GINS4: variants seen among roughly 807,000 people sequenced by gnomAD.
The protein encoded by GINS4 is DNA replication complex GINS protein SLD5.
GINS4 carries 20 observed loss-of-function variants against 31.1 expected under a neutral mutation model. That is an observed-to-expected ratio of 0.64 (90% CI 0.45 to 0.93). The LOEUF (loss-of-function observed/expected upper bound fraction) is 0.93. Among genes scored for constraint, GINS4 ranks in the 40% least tolerant of loss-of-function variants. The pLI is 0.00. For synonymous variants in GINS4, 85 were observed against 97.9 expected (o/e 0.87, Z 0.78); for missense variants, 245 against 273.9 (o/e 0.89, Z 0.75).
chr8:41,532,111 T>A (rs1435958256), intron 2 of GINS4, among the ~76,000 whole-genome samples: 1 of 152,216 alleles, frequency 6.6e-6, no homozygotes, highest in Non-Finnish European at 1.5e-5. Context: ...AGCCTGTTTG[T>A]ACTTCTGGAT....
rs1563428663 is a variant in GINS4, at chr8:41,530,241, T to TG, written c.44dup (p.Ser16Ter). 1 of 1,613,964 alleles carries TG rather than the reference T, an allele frequency of 6.2e-7. No individual in the cohort carries two copies. Among genetic ancestry groups the TG allele is most frequent in the Non-Finnish European group, 8.5e-7 (1 of 1,179,876 alleles). On this transcript the variant is annotated frameshift_variant, in exon 2 of 8. Coordinates refer to ENST00000276533, the MANE Select transcript of GINS4 (RefSeq NM_032336.3). LOFTEE classifies it high-confidence loss of function. ...TGGATTTCCTGGGACAGGACTCTGA[T>TG]GGGGGTAGTGAGGAAGTGGTCCTAA...
At chr8:41,540,047 G>C in intron 6 of GINS4, 43 bp downstream of exon 6, 1 of 1,302,708 alleles carries the variant, frequency 7.7e-7, no homozygotes, top group South Asian at 1.2e-5. Flanking sequence ...CCCATCCTCA[G>C]GTGTCCCAGG....
chr8:41,540,285 C>A, intron 6 of GINS4: 1 of 473,434 alleles, frequency 2.1e-6, no homozygotes, highest in Non-Finnish European at 3.9e-6. Context: ...CAGTAGCCAT[C>A]TGCTGAGCCT....
intron 2 of GINS4, among the ~76,000 whole-genome samples, chr8:41,533,908 C>G (rs941306243): frequency 8.5e-5 from 13 of 152,106 alleles, no homozygotes; most frequent in Admixed American, 6.6e-5. Flanking sequence ...TCGTGTGTGT[C>G]TGTGTTAAAA....
Position 41,543,148 on chromosome 8 carries a change from T to C in GINS4, c.*1061T>C, listed in dbSNP as rs1041335223. 17 of 152,222 alleles carry C rather than the reference T, an allele frequency of 1.1e-4. No homozygotes were observed. The highest frequency in any genetic ancestry group is 4.1e-4 in the African/African-American group (17 of 41,462). The allele number at this position is 152,222 out of a possible 1,614,324, so 9.4% of individuals were successfully genotyped here. On this transcript the variant is annotated 3_prime_UTR_variant, in exon 8 of 8. Coordinates refer to ENST00000276533, the MANE Select transcript of GINS4 (RefSeq NM_032336.3). Reference sequence around the variant, plus strand: ...TCATTAGACTGTGTAAACTAACATTTTAGAACCTCTAATATTGGACTTAAA... The same window carrying C: ...TCATTAGACTGTGTAAACTAACATTCTAGAACCTCTAATATTGGACTTAAA...
chr8:41,538,686 C>CTTG (rs71230835), intron 4 of GINS4, among the ~76,000 whole-genome samples: 40,297 of 151,762 alleles, frequency 0.27, 5,383 homozygotes, highest in Middle Eastern at 0.37. Context: ...CATCAACCCC[C>CTTG]TTTTTTTATT....
intron 2 of GINS4, among the ~76,000 whole-genome samples, chr8:41,533,547 C>T (rs1412275903): frequency 1.3e-5 from 2 of 152,244 alleles, no homozygotes; most frequent in African/African-American, 4.8e-5. Context: ...ACCTGCACGG[C>T]TGCCACAGCC....
intron 4 of GINS4, 128 bp from the exon 5 acceptor site, chr8:41,539,550 C>G: frequency 2.8e-6 from 2 of 709,486 alleles, no homozygotes; most frequent in South Asian, 3.3e-5. Flanking sequence ...TCTCTCCACC[C>G]ACCCTATCCC....
chr8:41,531,895 G>A (rs138392957), intron 2 of GINS4, among the ~76,000 whole-genome samples: 7 of 152,332 alleles, frequency 4.6e-5, no homozygotes, highest in African/African-American at 1.2e-4. Flanking sequence ...AGGTTCAAGC[G>A]ATTCTCCTGC....
At chr8:41,535,511 A>G (rs574423975) in intron 2 of GINS4, among the ~76,000 whole-genome samples, 1 of 152,250 alleles carries the variant, frequency 6.6e-6, no homozygotes, top group African/African-American at 2.4e-5. Context: ...ACAAATGCCT[A>G]TGACTGTAGC....
Position 41,537,260 on chromosome 8 carries a change from C to A in GINS4, c.264C>A (p.Val88=). Residue 88 remains valine, a synonymous_variant, in exon 4 of 8, where the codon GTC becomes GTA. Transcript: ENST00000276533. ...TGGAGATGGAGAGGATCCGCTACGT[C>A]CTCAGCAGCTACTTGCGGTGTCGCC... The part of the protein sequence containing the change: ...HQMEMERIRY[V]LSSYLRCRLM... 6.2e-7 allele frequency: 1 copy of A among 1,613,732 alleles called. No homozygotes were observed. The highest frequency in any genetic ancestry group is 1.1e-5 in the South Asian group (1 of 91,060).
Position 41,530,317 on chromosome 8 carries a change from ATCCCT to A in GINS4, c.96+21_96+25del. ...GGAGCAGGTAAGCATCCCAGATCGA[ATCCCT>A]TTGCTCCAGTCAGCCTTTTTATTTA... On this transcript the variant is annotated intron_variant, in intron 2 of 7. Transcript: ENST00000276533. 2 of 1,561,036 alleles carry A rather than the reference ATCCCT, an allele frequency of 1.3e-6. No individual in the cohort carries two copies. The highest frequency in any genetic ancestry group is 1.8e-6 in the Non-Finnish European group (2 of 1,135,678).
At chr8:41,534,083 C>A in intron 2 of GINS4, 1 of 171,940 alleles carries the variant, frequency 5.8e-6, no homozygotes, top group Non-Finnish European at 1.3e-5. Context: ...CAGCCCGTAG[C>A]AATAATGAAC....
chr8:41,541,015 G>A (rs1806831612), intron 6 of GINS4, among the ~76,000 whole-genome samples: 1 of 152,100 alleles, frequency 6.6e-6, no homozygotes, highest in Non-Finnish European at 1.5e-5. Flanking sequence ...ACTAATCCTA[G>A]TCTCTGTGTG....
chr8:41,539,319 C>CAAAAAAAA (rs36097557), intron 4 of GINS4, among the ~76,000 whole-genome samples: 1 of 55,762 alleles, frequency 1.8e-5, no homozygotes, highest in East Asian at 6.6e-4. Flanking sequence ...GACTCCATCT[C>CAAAAAAAA]AAAAAAAAAA....
chr8:41,542,316 G>A lies in GINS4; in HGVS notation c.*229G>A. On this transcript the variant is annotated 3_prime_UTR_variant, in exon 8 of 8. Coordinates refer to ENST00000276533, the MANE Select transcript of GINS4 (RefSeq NM_032336.3). ...GGAGAATCGCTTGAACCTGGGAGCA[G>A]GAGGTTGCAGTGAGCCGAGGTCGTG... 1.8e-6 allele frequency: 1 copy of A among 541,962 alleles called. No homozygotes were observed. The highest frequency in any genetic ancestry group is 1.9e-5 in the African/African-American group (1 of 52,732). 33.6% of individuals were successfully genotyped at this position (541,962 alleles called of 1,614,324 possible).
rs377034608 is a variant in GINS4, at chr8:41,541,834, C to G, written c.510C>G (p.Tyr170Ter). ...RAVPKPDLDS[Y>*]VFLRVRERQE... The stretch of plus-strand genomic sequence containing the variant: ...TTCCCAAACCAGATCTAGATTCTTA[C>G]GTGTTTCTGAGAGTGAGAGAACGAC... The change falls in exon 7 of 8, where the codon TAC becomes TAG. Residue 170 changes from tyrosine (Y) to a stop codon, truncating the protein, a stop_gained. Coordinates refer to ENST00000276533, the MANE Select transcript of GINS4 (RefSeq NM_032336.3). LOFTEE classifies it high-confidence loss of function. 2 of 1,614,058 alleles carry G rather than the reference C, an allele frequency of 1.2e-6. No individual in the cohort carries two copies. The highest frequency in any genetic ancestry group is 1.1e-5 in the South Asian group (1 of 91,082).
chr8:41,535,517 G>A (rs1034277300), intron 2 of GINS4, among the ~76,000 whole-genome samples: 2 of 152,158 alleles, frequency 1.3e-5, no homozygotes, highest in African/African-American at 2.4e-5. Flanking sequence ...GCCTATGACT[G>A]TAGCCATACC....
At chr8:41,537,331 C>T in intron 4 of GINS4, 38 bp downstream of exon 4, 1 of 1,422,992 alleles carries the variant, frequency 7.0e-7, no homozygotes. Flanking sequence ...TGAGACAGCA[C>T]AGTCTGTAAT....
Sources: gnomAD v4.1 joint callset for allele counts (sites outside exome capture counted in the v4.1 genomes callset) on GRCh38, gnomAD v4.1.1 for gene constraint, MANE v1.5 for transcripts, NCBI Gene and HGNC (gene_info 2026-07-23, HGNC 2026-07-21) for gene names.